ADGRB3: variants seen among roughly 807,000 people sequenced by gnomAD.
ADGRB3 encodes adhesion G protein-coupled receptor B3.
Under a neutral mutation model 193.4 loss-of-function variants are expected in ADGRB3, and 37 were observed. The observed-to-expected ratio is 0.19, with a 90% CI of 0.15 to 0.25. ADGRB3 has a LOEUF of 0.25. Among genes scored for constraint, ADGRB3 ranks in the 10% least tolerant of loss-of-function variants. The pLI, the probability that ADGRB3 is intolerant of heterozygous loss-of-function variation, is 1.00. For synonymous variants in ADGRB3, 690 were observed against 644.2 expected (o/e 1.07, Z -1.08); for missense variants, 1,637 against 1,852.9 (o/e 0.88, Z 2.14).
intron 15 of ADGRB3, among the ~76,000 whole-genome samples, chr6:69,051,965 G>T (rs762155408): frequency 1.3e-5 from 2 of 152,020 alleles, no homozygotes; most frequent in Non-Finnish European, 2.9e-5. Context: ...CGCGATCTCC[G>T]CTCACTGCAA....
In ADGRB3 at chr6:68,967,107, T is replaced by C. The variant is rs185381430; in HGVS notation, c.1526-7656T>C. Reference sequence around the variant, plus strand: ...CAGTTTGCACCTGTGAATCTATGATTTCCCCTGCCATCTTCCTTTTTAAAA... The same window carrying C: ...CAGTTTGCACCTGTGAATCTATGATCTCCCCTGCCATCTTCCTTTTTAAAA... On this transcript the variant is annotated intron_variant, in intron 8 of 31. Coordinates refer to ENST00000370598, the MANE Select transcript of ADGRB3 (RefSeq NM_001704.3). 2.9e-3 allele frequency among the ~76,000 whole-genome samples: 446 copies of C among 152,290 alleles called. 4 individuals are homozygous for C. The highest frequency in any genetic ancestry group is 0.01 in the African/African-American group (423 of 41,568).
intron 3 of ADGRB3, among the ~76,000 whole-genome samples, chr6:68,704,474 T>G (rs1765292521): frequency 6.6e-6 from 1 of 152,190 alleles, no homozygotes; most frequent in African/African-American, 2.4e-5. Flanking sequence ...TATCAATAAC[T>G]TTGAGATTAG....
intron 30 of ADGRB3, among the ~76,000 whole-genome samples, chr6:69,379,158 A>T (rs952734147): frequency 9.9e-5 from 15 of 152,054 alleles, no homozygotes; most frequent in African/African-American, 3.6e-4. Context: ...AATATTTGAC[A>T]GCCACCTGAA....
chr6:68,758,836 C>T lies in ADGRB3; in HGVS notation c.757+119404C>T, dbSNP rs139004198. ...TTGCTTCTATGTCTGTCTGACCACC[C>T]TTCTCCCAATCCTAAAAACTGCTTT... On this transcript the variant is annotated intron_variant, in intron 3 of 31. Coordinates refer to ENST00000370598, the MANE Select transcript of ADGRB3 (RefSeq NM_001704.3). Among the ~76,000 whole-genome samples the T allele has an allele frequency of 2.3e-3, 353 of 152,248 alleles. 1 individual carries two copies. Among genetic ancestry groups the T allele is most frequent in the African/African-American group, 8.1e-3 (335 of 41,554 alleles).
At chr6:69,193,620 G>A (rs1765241949) in intron 17 of ADGRB3, among the ~76,000 whole-genome samples, 1 of 152,062 alleles carries the variant, frequency 6.6e-6, no homozygotes, top group South Asian at 2.1e-4. Flanking sequence ...GTAGCATCAT[G>A]TGGTAAAAAG....
chr6:69,386,916 A>G (rs1770083965), intron 31 of ADGRB3, among the ~76,000 whole-genome samples: 1 of 152,090 alleles, frequency 6.6e-6, no homozygotes, highest in Non-Finnish European at 1.5e-5. Flanking sequence ...TTTAACCTCC[A>G]TTTAACTATA....
intron 3 of ADGRB3, among the ~76,000 whole-genome samples, chr6:68,856,226 C>T (rs192968442): frequency 2.7e-4 from 41 of 152,132 alleles, no homozygotes; most frequent in Middle Eastern, 3.4e-3. Context: ...AGTGTGAAAA[C>T]GGACTAATAC....
At chr6:69,068,666 A>T (rs565034546) in intron 16 of ADGRB3, among the ~76,000 whole-genome samples, 1 of 152,330 alleles carries the variant, frequency 6.6e-6, no homozygotes, top group East Asian at 1.9e-4. Context: ...TCCTCTGGAA[A>T]TAATGCAGGT....
chr6:69,127,721 C>A (rs1773891465), intron 17 of ADGRB3, among the ~76,000 whole-genome samples: 1 of 152,062 alleles, frequency 6.6e-6, no homozygotes, highest in Non-Finnish European at 1.5e-5. Context: ...AATATACTAA[C>A]CTCTTATTTA....
chr6:69,254,233 G>T (rs190056397), intron 20 of ADGRB3, among the ~76,000 whole-genome samples: 3 of 151,992 alleles, frequency 2.0e-5, no homozygotes, highest in Non-Finnish European at 4.4e-5. Context: ...TCTGTATTTA[G>T]CCCCTTTTAA....
intron 3 of ADGRB3, among the ~76,000 whole-genome samples, chr6:68,705,421 G>T (rs1186411469): frequency 6.6e-6 from 1 of 152,184 alleles, no homozygotes; most frequent in Non-Finnish European, 1.5e-5. Flanking sequence ...CAGCATTTCA[G>T]TGGTCTTGAA....
intron 16 of ADGRB3, among the ~76,000 whole-genome samples, chr6:69,067,457 C>A (rs1317690643): frequency 6.6e-6 from 1 of 152,056 alleles, no homozygotes; most frequent in Non-Finnish European, 1.5e-5. Context: ...TGCTTGTTAT[C>A]ATTAGATAAG....
chr6:69,283,496 C>G (rs1482863288), intron 20 of ADGRB3, among the ~76,000 whole-genome samples: 1 of 152,128 alleles, frequency 6.6e-6, no homozygotes, highest in Non-Finnish European at 1.5e-5. Context: ...GGCAAGACTT[C>G]CCAGAGGAGT....
intron 20 of ADGRB3, among the ~76,000 whole-genome samples, chr6:69,306,212 T>C (rs77691732): frequency 1.1e-3 from 174 of 151,546 alleles, no homozygotes; most frequent in Non-Finnish European, 2.1e-3. Flanking sequence ...CTGTAGAAAT[T>C]TAGAACATGT....
Position 68,795,737 on chromosome 6 carries a change from G to T in ADGRB3, c.758-134822G>T, listed in dbSNP as rs568978450. On this transcript the variant is annotated intron_variant, in intron 3 of 31. Coordinates refer to ENST00000370598, the MANE Select transcript of ADGRB3 (RefSeq NM_001704.3). ...CGAATGTTCATGAATGGGATTGAAG[G>T]TCACCTTGAATTTAAAATGCAAAGC... Among the ~76,000 whole-genome samples, 205 of 152,216 alleles carry T rather than the reference G, an allele frequency of 1.3e-3. 2 individuals carry two copies. Among genetic ancestry groups the T allele is most frequent in the African/African-American group, 4.5e-3 (188 of 41,564 alleles).
intron 18 of ADGRB3, 33 bp from the exon 19 acceptor site, chr6:69,234,999 A>T: frequency 2.6e-6 from 4 of 1,534,960 alleles, no homozygotes; most frequent in Non-Finnish European, 3.6e-6. Flanking sequence ...TTAAAAACCA[A>T]TTTGTTTCTT....
At chr6:68,959,169 G>A (rs905253993) in intron 8 of ADGRB3, among the ~76,000 whole-genome samples, 2 of 151,758 alleles carry the variant, frequency 1.3e-5, no homozygotes, top group Non-Finnish European at 2.9e-5. Context: ...TTATATACTG[G>A]AGTTCCAACT....
intron 14 of ADGRB3, 125 bp from the exon 15 acceptor site, chr6:69,049,146 T>C: frequency 1.5e-6 from 1 of 677,604 alleles, no homozygotes; most frequent in Admixed American, 3.3e-5. Flanking sequence ...AATGCATTTC[T>C]TTTTACCAGG....
chr6:69,290,882 A>G (rs1436423669), intron 20 of ADGRB3, among the ~76,000 whole-genome samples: 1 of 152,192 alleles, frequency 6.6e-6, no homozygotes, highest in Non-Finnish European at 1.5e-5. Context: ...ACTCAAAATA[A>G]GTTTTCTAGG....
Sources: allele counts gnomAD v4.1 joint callset (sites outside exome capture counted in the v4.1 genomes callset), GRCh38; gene constraint gnomAD v4.1.1; transcripts MANE v1.5; gene names NCBI Gene and HGNC (gene_info 2026-07-23, HGNC 2026-07-21).